DLG2: variants seen among roughly 807,000 people sequenced by gnomAD.
DLG2 encodes discs large MAGUK scaffold protein 2, also known as disks large homolog 2.
In DLG2, 45 loss-of-function variants were observed where a neutral mutation model predicts 132.5. The ratio of observed to expected loss-of-function variants is 0.34; its 90% CI spans 0.27 to 0.44. The LOEUF (loss-of-function observed/expected upper bound fraction) is 0.44, where lower values mean the gene tolerates loss of function less well. Ranked by LOEUF, DLG2 falls within the 20% of genes least tolerant of loss-of-function variation. The pLI is 1.00. For synonymous variants in DLG2, 424 were observed against 419.6 expected (o/e 1.01, Z -0.13); for missense variants, 1,045 against 1,196.9 (o/e 0.87, Z 1.87).
chr11:83,946,179 G>T (rs2083899609), intron 14 of DLG2, among the ~76,000 whole-genome samples: 1 of 151,920 alleles, frequency 6.6e-6, no homozygotes, highest in African/African-American at 2.4e-5. Flanking sequence ...TAGGAGAGAT[G>T]TGGCTTCACC....
At chr11:84,138,948 CAA>C (rs5793107) in intron 9 of DLG2, among the ~76,000 whole-genome samples, 10,978 of 92,114 alleles carry the variant, frequency 0.12, 417 homozygotes, top group African/African-American at 0.19. Context: ...GACTCCATCT[CAA>C]AAAAAAAAAA....
At chr11:84,077,494 T>C (rs2096845190) in intron 10 of DLG2, among the ~76,000 whole-genome samples, 1 of 152,322 alleles carries the variant, frequency 6.6e-6, no homozygotes, top group South Asian at 2.1e-4. Flanking sequence ...TGTACATCTC[T>C]ATTTTAATTC....
At chr11:85,493,736 G>T (rs976582790) in intron 3 of DLG2, among the ~76,000 whole-genome samples, 1 of 145,194 alleles carries the variant, frequency 6.9e-6, no homozygotes, top group Non-Finnish European at 1.5e-5. Flanking sequence ...GAGAAGAGGG[G>T]AGGGGGAGAG....
intron 6 of DLG2, among the ~76,000 whole-genome samples, chr11:85,005,603 C>A (rs1397846791): frequency 6.6e-6 from 1 of 152,128 alleles, no homozygotes; most frequent in Non-Finnish European, 1.5e-5. Context: ...GCAGAAGTTG[C>A]TTATTGGCTT....
intron 6 of DLG2, among the ~76,000 whole-genome samples, chr11:84,957,944 A>T (rs553623837): frequency 6.6e-6 from 1 of 152,252 alleles, no homozygotes; most frequent in African/African-American, 2.4e-5. Context: ...GTGCATAAGG[A>T]GACTGAGGGT....
chr11:84,797,524 C>T (rs370060362), intron 6 of DLG2, among the ~76,000 whole-genome samples: 1 of 152,030 alleles, frequency 6.6e-6, no homozygotes, highest in Admixed American at 6.6e-5. Flanking sequence ...GTGATGCATT[C>T]TTTAGTATGT....
chr11:83,508,534 T>C (rs1246015884), intron 21 of DLG2, among the ~76,000 whole-genome samples: 2 of 151,246 alleles, frequency 1.3e-5, no homozygotes, highest in Non-Finnish European at 2.9e-5. Context: ...TGAGCCACCA[T>C]GCCTGGCCAG....
At chr11:85,578,657 A>C (rs2078313668) in intron 3 of DLG2, among the ~76,000 whole-genome samples, 1 of 152,240 alleles carries the variant, frequency 6.6e-6, no homozygotes, top group South Asian at 2.1e-4. Flanking sequence ...TCATTAGAGA[A>C]ATGCAAATCA....
intron 18 of DLG2, among the ~76,000 whole-genome samples, chr11:83,654,585 T>C (rs2071723720): frequency 6.6e-6 from 1 of 152,196 alleles, no homozygotes; most frequent in Non-Finnish European, 1.5e-5. Context: ...CATTATGACA[T>C]TCAGGCATTT....
intron 3 of DLG2, chr11:85,336,570 A>G (rs2082148322): frequency 6.3e-6 from 1 of 159,428 alleles, no homozygotes; most frequent in Non-Finnish European, 1.4e-5. Flanking sequence ...CTTCTCCACC[A>G]TGACTGGCAT....
chr11:85,348,051 TC>T (rs891692685), intron 3 of DLG2, among the ~76,000 whole-genome samples: 3 of 134,348 alleles, frequency 2.2e-5, no homozygotes, highest in African/African-American at 8.5e-5. Flanking sequence ...AGTGGCACAA[TC>T]TTGGCTCACT....
chr11:84,708,663 A>G (rs2060037117), intron 6 of DLG2, among the ~76,000 whole-genome samples: 1 of 151,778 alleles, frequency 6.6e-6, no homozygotes, highest in African/African-American at 2.4e-5. Context: ...TAGCATCCCC[A>G]CTCATACTGC....
At chr11:85,545,609 A>G (rs1380935465) in intron 3 of DLG2, among the ~76,000 whole-genome samples, 1 of 152,100 alleles carries the variant, frequency 6.6e-6, no homozygotes, top group South Asian at 2.1e-4. Flanking sequence ...CTGTGAATCC[A>G]TGTGGTCCTG....
At chr11:84,292,172 A>T (rs1482333212) in intron 7 of DLG2, among the ~76,000 whole-genome samples, 1 of 152,228 alleles carries the variant, frequency 6.6e-6, no homozygotes, top group Non-Finnish European at 1.5e-5. Flanking sequence ...CTGAAGCTGG[A>T]TTTGCAGAGG....
intron 19 of DLG2, among the ~76,000 whole-genome samples, chr11:83,565,609 G>A (rs1391930611): frequency 6.6e-6 from 1 of 152,190 alleles, no homozygotes; most frequent in African/African-American, 2.4e-5. Context: ...TTATTTAAAT[G>A]TTGGATTAAT....
At chr11:85,378,909 C>A (rs1475813318) in intron 3 of DLG2, among the ~76,000 whole-genome samples, 1 of 152,140 alleles carries the variant, frequency 6.6e-6, no homozygotes. Context: ...GAAAAATACA[C>A]ATAAATTTCT....
chr11:83,683,734 A>G (rs915079600), intron 18 of DLG2, among the ~76,000 whole-genome samples: 2 of 152,158 alleles, frequency 1.3e-5, no homozygotes, highest in African/African-American at 4.8e-5. Flanking sequence ...CTTTGACAAA[A>G]TGAATTTCTG....
At chr11:85,438,457 T>C (rs1295023258) in intron 3 of DLG2, among the ~76,000 whole-genome samples, 1 of 152,226 alleles carries the variant, frequency 6.6e-6, no homozygotes, top group Admixed American at 6.5e-5. Flanking sequence ...ATAGACTTAC[T>C]TGCAATTGTA....
At chr11:85,511,638 G>A (rs947622550) in intron 3 of DLG2, among the ~76,000 whole-genome samples, 4 of 151,872 alleles carry the variant, frequency 2.6e-5, no homozygotes, top group Admixed American at 2.0e-4. Context: ...TTATCACTGA[G>A]GCTTCATCCT....
Sources: gnomAD v4.1 joint callset for allele counts (sites outside exome capture counted in the v4.1 genomes callset) on GRCh38, gnomAD v4.1.1 for gene constraint, MANE v1.5 for transcripts, NCBI Gene and HGNC (gene_info 2026-07-23, HGNC 2026-07-21) for gene names.